TIFAB: variants seen among roughly 807,000 people sequenced by gnomAD.
The protein encoded by TIFAB is TRAF-interacting protein with FHA domain-containing protein B.
For synonymous variants in TIFAB, 116 were observed against 95.2 expected (o/e 1.22, Z -1.27); for missense variants, 222 against 203.6 (o/e 1.09, Z -0.55).
chr5:135,451,950 C>T (rs1042766692), intron 1 of TIFAB, among the ~76,000 whole-genome samples: 1 of 152,242 alleles, frequency 6.6e-6, no homozygotes, highest in Non-Finnish European at 1.5e-5. Flanking sequence ...TTCACAGTTG[C>T]TGTGTGGCCT....
At position 135,446,992 on chromosome 5, in the gene TIFAB, C is replaced by T. The variant is rs1350467432; in HGVS notation, c.*2462G>A. 1.9e-6 allele frequency: 3 copies of T among 1,613,292 alleles called. No individual in the cohort carries two copies. Among genetic ancestry groups the T allele is most frequent in the Non-Finnish European group, 2.5e-6 (3 of 1,179,562 alleles). On this transcript the variant is annotated 3_prime_UTR_variant, in exon 2 of 2. Transcript: ENST00000537858. ...TCTCTGGTGGAGCTGGGGAGTGGCA[C>T]CCTGGGAACTCTGGGGTTTCCCCAC...
chr5:135,446,895 T>A lies in TIFAB; in HGVS notation c.*2559A>T, dbSNP rs1343121896. ...ACCCCAGCTGGCAAGGTTTTGTTCC[T>A]CCCTGGAGGGTAGAGACCCTCACTG... On this transcript the variant is annotated 3_prime_UTR_variant, in exon 2 of 2. Transcript: ENST00000537858. The A allele has an allele frequency of 6.2e-7, 1 of 1,613,570 alleles. No individual in the cohort carries two copies. The highest frequency in any genetic ancestry group is 8.5e-7 in the Non-Finnish European group (1 of 1,179,670).
In TIFAB at chr5:135,446,767, A is replaced by T. The variant is rs148251349; in HGVS notation, c.*2687T>A. The T allele has an allele frequency of 6.2e-7, 1 of 1,613,830 alleles. No individual in the cohort carries two copies. The highest frequency in any genetic ancestry group is 1.3e-5 in the African/African-American group (1 of 74,916). On this transcript the variant is annotated 3_prime_UTR_variant, in exon 2 of 2. Transcript: ENST00000537858. The stretch of plus-strand genomic sequence containing the variant: ...TCTGGCCTGTCTTCCTTCTGCTGCT[A>T]TGCAGTTCATCCTGGGTCCCTGAGG...
At position 135,451,733 on chromosome 5, in the gene TIFAB, C is replaced by T. The variant is rs1769365338; in HGVS notation, c.-11+476G>A. ...TCCTGACTTTAGGTGATCCGCCCGCCCCGACCTTCCAAAGTGCTGGGATTA... is the reference window on the plus strand; with the variant it reads ...TCCTGACTTTAGGTGATCCGCCCGCTCCGACCTTCCAAAGTGCTGGGATTA... On this transcript the variant is annotated intron_variant, in intron 1 of 1. Coordinates refer to ENST00000537858, the MANE Select transcript of TIFAB (RefSeq NM_001099221.2). Among the ~76,000 whole-genome samples the T allele has an allele frequency of 2.6e-5, 4 of 152,204 alleles. No individual in the cohort carries two copies. In the South Asian group the frequency reaches 8.3e-4, roughly 31 times the overall value.
intron 1 of TIFAB, 57 bp downstream of exon 1, chr5:135,452,152 G>A (rs1769371693): frequency 6.6e-6 from 1 of 152,154 alleles, no homozygotes; most frequent in Non-Finnish European, 1.5e-5. Context: ...CCTCCTCCCA[G>A]CCCCACCAGG....
rs201903996 is a variant in TIFAB, at chr5:135,449,596, C to T, written c.344G>A (p.Arg115His). The change falls in exon 2 of 2, where the codon CGC becomes CAC. Residue 115 changes from arginine to histidine, a missense_variant. By Grantham distance (29) the Arg-to-His change is conservative (BLOSUM62 0). Coordinates refer to ENST00000537858, the MANE Select transcript of TIFAB (RefSeq NM_001099221.2). Reference protein sequence around the residue: ...VSFSGIQMLVRVEEGTSLEAF... With the variant: ...VSFSGIQMLVHVEEGTSLEAF... ...CTCCAGGGATGTGCCTTCTTCTACGCGAACCAGCATCTGGATGCCTGAGAA... is the reference window on the plus strand; with the variant it reads ...CTCCAGGGATGTGCCTTCTTCTACGTGAACCAGCATCTGGATGCCTGAGAA... The T allele has an allele frequency of 1.6e-4, 254 of 1,614,202 alleles. No homozygotes were observed. Among genetic ancestry groups the T allele is most frequent in the East Asian group, 2.2e-4 (10 of 44,884 alleles).
At position 135,446,550 on chromosome 5, in the gene TIFAB, G is replaced by A; in HGVS notation, c.*2904C>T. 6.2e-7 allele frequency: 1 copy of A among 1,614,030 alleles called. No individual in the cohort carries two copies. Among genetic ancestry groups the A allele is most frequent in the South Asian group, 1.1e-5 (1 of 91,086 alleles). ...TTCCAGCTGTTAGGAGAAAGTGAAG[G>A]TGGGTGCCATGGATCTGATGATTTC... On this transcript the variant is annotated 3_prime_UTR_variant, in exon 2 of 2. Transcript: ENST00000537858.
In TIFAB at chr5:135,446,657, G is replaced by C. The variant is rs1454379322; in HGVS notation, c.*2797C>G. The C allele has an allele frequency of 6.2e-7, 1 of 1,613,930 alleles. No individual in the cohort carries two copies. Among genetic ancestry groups the C allele is most frequent in the Non-Finnish European group, 8.5e-7 (1 of 1,179,902 alleles). On this transcript the variant is annotated 3_prime_UTR_variant, in exon 2 of 2. Transcript: ENST00000537858. Reference sequence around the variant, plus strand: ...AAAAACTTGGTACAGGGCAAGGTGTGAGTTTCCCGGTGAGACTGTGTGAAC... The same window carrying C: ...AAAAACTTGGTACAGGGCAAGGTGTCAGTTTCCCGGTGAGACTGTGTGAAC...
chr5:135,449,947 G>A lies in TIFAB; in HGVS notation c.-8C>T, dbSNP rs1769337961. ...GGTGAGGGGCTTCTCCATGGAAGAAGTCCTGGGAAGTTGGAACATGGACAC... is the reference window on the plus strand; with the variant it reads ...GGTGAGGGGCTTCTCCATGGAAGAAATCCTGGGAAGTTGGAACATGGACAC... On this transcript the variant is annotated splice_region_variant and 5_prime_UTR_variant, in exon 2 of 2. Transcript: ENST00000537858. 4 of 1,515,836 alleles carry A rather than the reference G, an allele frequency of 2.6e-6. No individual in the cohort carries two copies. Among genetic ancestry groups the A allele is most frequent in the Non-Finnish European group, 3.5e-6 (4 of 1,132,072 alleles). 93.9% of individuals were successfully genotyped at this position (1,515,836 alleles called of 1,614,324 possible).
At position 135,449,954 on chromosome 5, in the gene TIFAB, G is replaced by A; in HGVS notation, c.-10-5C>T. ...GGCTTCTCCATGGAAGAAGTCCTGG[G>A]AAGTTGGAACATGGACACACAGGCT... is the stretch of plus-strand genomic sequence containing the variant. On this transcript the variant is annotated splice_polypyrimidine_tract_variant and splice_region_variant and intron_variant, in intron 1 of 1. Coordinates refer to ENST00000537858, the MANE Select transcript of TIFAB (RefSeq NM_001099221.2). 4 of 1,515,800 alleles carry A rather than the reference G, an allele frequency of 2.6e-6. No individual in the cohort carries two copies. The highest frequency in any genetic ancestry group is 1.3e-5 in the South Asian group (1 of 74,892). The allele number at this position is 1,515,800 out of a possible 1,614,324, so 93.9% of individuals were successfully genotyped here. A position where few individuals can be genotyped will look rare whatever the true frequency, so the allele number is the denominator to read the frequency against.
In TIFAB at chr5:135,447,390, G is replaced by A. The variant is rs919087375; in HGVS notation, c.*2064C>T. 2.0e-6 allele frequency: 1 copy of A among 497,242 alleles called. No individual in the cohort carries two copies. Among genetic ancestry groups the A allele is most frequent in the South Asian group, 2.2e-5 (1 of 44,474 alleles). The allele number at this position is 497,242 out of a possible 1,614,324, so 30.8% of individuals were successfully genotyped here. ...GTGTGAGTCTTCCTTAGCTCCGTGT[G>A]GATGGTGAGCCCTCCTCTCTCAGGT... On this transcript the variant is annotated 3_prime_UTR_variant, in exon 2 of 2. Transcript: ENST00000537858.
At position 135,446,607 on chromosome 5, in the gene TIFAB, C is replaced by G; in HGVS notation, c.*2847G>C. 1 of 1,613,978 alleles carries G rather than the reference C, an allele frequency of 6.2e-7. No homozygotes were observed. The highest frequency in any genetic ancestry group is 1.1e-5 in the South Asian group (1 of 91,072). On this transcript the variant is annotated 3_prime_UTR_variant, in exon 2 of 2. Transcript: ENST00000537858. ...TTTCTACTCAAGAAAAATGAAGTCTCGGATGGGCAGAGCTTAACTGCCTTA... is the reference window on the plus strand; with the variant it reads ...TTTCTACTCAAGAAAAATGAAGTCTGGGATGGGCAGAGCTTAACTGCCTTA...
intron 1 of TIFAB, chr5:135,450,621 G>A (rs1250127935): frequency 6.6e-6 from 1 of 152,246 alleles, no homozygotes; most frequent in Non-Finnish European, 1.5e-5. Context: ...CACTCACAAT[G>A]GCCAGCTTTG....
Position 135,449,182 on chromosome 5 carries a change from C to T in TIFAB, c.*272G>A, listed in dbSNP as rs1306244587. 3.9e-6 allele frequency: 2 copies of T among 512,394 alleles called. No homozygotes were observed. The highest frequency in any genetic ancestry group is 7.0e-6 in the Non-Finnish European group (2 of 284,792). 31.7% of individuals were successfully genotyped at this position (512,394 alleles called of 1,614,324 possible). A position where few individuals can be genotyped will look rare whatever the true frequency, so the allele number is the denominator to read the frequency against. ...CTCTGGCCACAGAGGGTGCTTCTCC[C>T]CCCTGGGCTGTTTGTTCGGTGTTTG... On this transcript the variant is annotated 3_prime_UTR_variant, in exon 2 of 2. Transcript: ENST00000537858.
In TIFAB at chr5:135,446,318, T is replaced by C. The variant is rs1197409051; in HGVS notation, c.*3136A>G. ...GGGAGCAGCGTTCATGTGCACTGTA[T>C]GTTCGTGTTTAGTGTATGTCTGTGC... is the stretch of plus-strand genomic sequence containing the variant. On this transcript the variant is annotated 3_prime_UTR_variant, in exon 2 of 2. Coordinates refer to ENST00000537858, the MANE Select transcript of TIFAB (RefSeq NM_001099221.2). The C allele has an allele frequency of 1.3e-6, 2 of 1,535,866 alleles. No individual in the cohort carries two copies. Among genetic ancestry groups the C allele is most frequent in the African/African-American group, 1.4e-5 (1 of 72,768 alleles).
At position 135,448,275 on chromosome 5, in the gene TIFAB, C is replaced by T. The variant is rs568474212; in HGVS notation, c.*1179G>A. 2.0e-5 allele frequency: 3 copies of T among 152,276 alleles called. No individual in the cohort carries two copies. Among genetic ancestry groups the T allele is most frequent in the African/African-American group, 2.4e-5 (1 of 41,522 alleles). 9.4% of individuals were successfully genotyped at this position (152,276 alleles called of 1,614,324 possible). ...GTCAGCCAGGGGAACAGGGCTGTGC[C>T]CTTGGTGCCTCAGATTCCCTGGAGA... On this transcript the variant is annotated 3_prime_UTR_variant, in exon 2 of 2. Coordinates refer to ENST00000537858, the MANE Select transcript of TIFAB (RefSeq NM_001099221.2).
Position 135,446,385 on chromosome 5 carries a change from C to G in TIFAB, c.*3069G>C. 1 of 1,601,790 alleles carries G rather than the reference C, an allele frequency of 6.2e-7. No individual in the cohort carries two copies. Among genetic ancestry groups the G allele is most frequent in the Non-Finnish European group, 8.5e-7 (1 of 1,171,544 alleles). On this transcript the variant is annotated 3_prime_UTR_variant, in exon 2 of 2. Coordinates refer to ENST00000537858, the MANE Select transcript of TIFAB (RefSeq NM_001099221.2). ...ACACGCACACATGTTCACTCAGGCA[C>G]GTGGGCTGCCCTGCGGTGGGAGCTG...
In TIFAB at chr5:135,449,078, G is replaced by A. The variant is rs143059471; in HGVS notation, c.*376C>T. On this transcript the variant is annotated 3_prime_UTR_variant, in exon 2 of 2. Coordinates refer to ENST00000537858, the MANE Select transcript of TIFAB (RefSeq NM_001099221.2). The stretch of plus-strand genomic sequence containing the variant: ...TCCTAGTCAGACAACAGGGAGAAAT[G>A]TGTGGAAATGCTGAGAGAGGCTCCC... 2.6e-5 allele frequency: 6 copies of A among 232,720 alleles called. No individual in the cohort carries two copies. The East Asian group carries it at 4.4e-4, about 17-fold the overall frequency. The allele number at this position is 232,720 out of a possible 1,614,324, so 14.4% of individuals were successfully genotyped here.
At position 135,444,831 on chromosome 5, in the gene TIFAB, T is replaced by G. The variant is rs745558210; in HGVS notation, c.*4623A>C. On this transcript the variant is annotated 3_prime_UTR_variant, in exon 2 of 2. Transcript: ENST00000537858. ...GTCCATTTGAAGGGATAGGGAAATA[T>G]TCCCTCAGTGTCCTGCTGTGAAACT... 1 of 152,270 alleles carries G rather than the reference T, an allele frequency of 6.6e-6. No individual in the cohort carries two copies. Among genetic ancestry groups the G allele is most frequent in the Non-Finnish European group, 1.5e-5 (1 of 68,084 alleles). The allele number at this position is 152,270 out of a possible 1,614,324, so 9.4% of individuals were successfully genotyped here.
Sources: gnomAD v4.1 joint callset for allele counts (sites outside exome capture counted in the v4.1 genomes callset) on GRCh38, gnomAD v4.1.1 for gene constraint, MANE v1.5 for transcripts, NCBI Gene and HGNC (gene_info 2026-07-23, HGNC 2026-07-21) for gene names.